The following CSF1R variants were observed in gnomAD, a reference collection of about 807,000 sequenced individuals.
The protein encoded by CSF1R is colony stimulating factor 1 receptor.
CSF1R carries 40 observed loss-of-function variants against 110.0 expected under a neutral mutation model. That is an observed-to-expected ratio of 0.36 (90% confidence interval 0.28 to 0.47). The LOEUF (loss-of-function observed/expected upper bound fraction) is 0.47. CSF1R is among the 20% of genes least tolerant of loss of function. The pLI, the probability that CSF1R is intolerant of heterozygous loss-of-function variation, is 0.99. For synonymous variants in CSF1R, 523 were observed against 503.4 expected (o/e 1.04, Z -0.52); for missense variants, 1,052 against 1,253.0 (o/e 0.84, Z 2.42).
intron 1 of CSF1R, among the ~76,000 whole-genome samples, chr5:150,108,299 G>A (rs1220567820): frequency 6.6e-6 from 1 of 152,170 alleles, no homozygotes; most frequent in African/African-American, 2.4e-5. Context: ...GCTTGAGCAA[G>A]ACTTTGACCT....
At chr5:150,082,091 T>C (rs911167008) in intron 1 of CSF1R, among the ~76,000 whole-genome samples, 1 of 152,100 alleles carries the variant, frequency 6.6e-6, no homozygotes, top group African/African-American at 2.4e-5. Flanking sequence ...TCCTAGCCAC[T>C]CTCCTCTCTC....
Position 150,080,862 on chromosome 5 carries a change from G to C in CSF1R, c.212C>G (p.Thr71Ser), listed in dbSNP as rs1259778590. 1 of 1,614,182 alleles carries C rather than the reference G, an allele frequency of 6.2e-7. No homozygotes were observed. The highest frequency in any genetic ancestry group is 8.5e-7 in the Non-Finnish European group (1 of 1,180,028). Residue 71 changes from threonine (T) to serine (S), a missense_variant, in exon 2 of 21, where the codon ACC (threonine) becomes AGC (serine). By Grantham distance (58) the Thr-to-Ser change is moderately conservative. Coordinates refer to ENST00000675795, the MANE Select transcript of CSF1R (RefSeq NM_001288705.3). ...YSDGSSSILS[T>S]NNATFQNTGT... ...CGTGTTTTGGAAGGTAGCGTTGTTG[G>C]TGCTGAGGATGCTGCTGGAGCCATC... is the stretch of plus-strand genomic sequence containing the variant.
chr5:150,094,086 T>C (rs1298863835), intron 1 of CSF1R, among the ~76,000 whole-genome samples: 1 of 149,916 alleles, frequency 6.7e-6, no homozygotes, highest in Admixed American at 6.6e-5. Flanking sequence ...AAAAGTACAA[T>C]TATTATGTGT....
chr5:150,056,210 AG>A lies in CSF1R; in HGVS notation c.2442+8del. ...TCCCCAGCCTGGCCCAAGCCCTCCC[AG>A]CACTTACATTGCCCTTGACAATGTA... On this transcript the variant is annotated splice_region_variant and intron_variant, in intron 17 of 20. Transcript: ENST00000675795. 1 of 1,614,162 alleles carries A rather than the reference AG, an allele frequency of 6.2e-7. No individual in the cohort carries two copies. Among genetic ancestry groups the A allele is most frequent in the Non-Finnish European group, 8.5e-7 (1 of 1,179,998 alleles).
Position 150,060,943 on chromosome 5 carries a change from G to A in CSF1R, c.1888C>T (p.Leu630Phe). 1 of 1,608,078 alleles carries A rather than the reference G, an allele frequency of 6.2e-7. No homozygotes were observed. Reference protein sequence around the residue: ...STAHADEKEALMSELKIMSHL... With the variant: ...STAHADEKEAFMSELKIMSHL... ...CTCATGATCTTCAGCTCGGACATGAGGGCCTCCTTCTCATCAGCATGGGCC... is the reference window on the plus strand; with the variant it reads ...CTCATGATCTTCAGCTCGGACATGAAGGCCTCCTTCTCATCAGCATGGGCC... Residue 630 changes from leucine (L) to phenylalanine (F), a missense_variant, in exon 13 of 21, where the codon CTC becomes TTC. Coordinates refer to ENST00000675795, the MANE Select transcript of CSF1R (RefSeq NM_001288705.3).
intron 14 of CSF1R, 142 bp downstream of exon 14, chr5:150,059,558 G>A (rs1757406265): frequency 6.5e-6 from 6 of 921,030 alleles, no homozygotes; most frequent in Non-Finnish European, 6.7e-6. Flanking sequence ...ACCTGTGGTG[G>A]CTACTTCCCA....
At chr5:150,103,503 C>T (rs1476949207) in intron 1 of CSF1R, among the ~76,000 whole-genome samples, 2 of 152,210 alleles carry the variant, frequency 1.3e-5, no homozygotes. Context: ...ATCTGGCCTC[C>T]CTTACTCTCA....
At chr5:150,080,657 G>T (rs1052572734) in intron 2 of CSF1R, 110 bp downstream of exon 2, 1 of 1,379,946 alleles carries the variant, frequency 7.2e-7, no homozygotes, top group Non-Finnish European at 9.9e-7. Context: ...CTTGCTCATA[G>T]CCAGCACTCA....
chr5:150,057,437 C>T (rs1757274877), intron 15 of CSF1R, 53 bp from the exon 16 acceptor site: 1 of 1,611,220 alleles, frequency 6.2e-7, no homozygotes, highest in African/African-American at 1.3e-5. Flanking sequence ...CACCCCTCAC[C>T]CCAGCAGCCC....
chr5:150,076,675 C>T (rs982332063), intron 5 of CSF1R, among the ~76,000 whole-genome samples: 2 of 152,234 alleles, frequency 1.3e-5, no homozygotes. Context: ...GGCCACTCCT[C>T]ACACCACTCC....
In CSF1R at chr5:150,070,511, G is replaced by A. The variant is rs183264626; in HGVS notation, c.1143C>T (p.Phe381=). The A allele has an allele frequency of 6.4e-7, 1 of 1,555,902 alleles. No individual in the cohort carries two copies. The highest frequency in any genetic ancestry group is 1.7e-4 in the Middle Eastern group (1 of 5,980). Residue 381 remains phenylalanine, a synonymous_variant, in exon 7 of 21, where the codon TTC becomes TTT. Transcript: ENST00000675795. ...TCCAGCCTCCTGGGTTTCTGGCCAG[G>A]AAGGAGTAGCGGCCAGCCTCAGAGG... ...LKPSEAGRYS[F]LARNPGGWRA...
At chr5:150,092,372 C>T (rs970901150) in intron 1 of CSF1R, among the ~76,000 whole-genome samples, 1 of 152,220 alleles carries the variant, frequency 6.6e-6, no homozygotes, top group African/African-American at 2.4e-5. Flanking sequence ...ACAGGGGATA[C>T]ATTCCAGTAA....
At chr5:150,101,598 C>T (rs1419068752) in intron 1 of CSF1R, among the ~76,000 whole-genome samples, 1 of 151,766 alleles carries the variant, frequency 6.6e-6, no homozygotes, top group East Asian at 1.9e-4. Flanking sequence ...CGTCACGGGA[C>T]CCAGGCAGAG....
At chr5:150,101,599 C>T (rs548028931) in intron 1 of CSF1R, among the ~76,000 whole-genome samples, 1 of 152,000 alleles carries the variant, frequency 6.6e-6, no homozygotes, top group South Asian at 2.1e-4. Flanking sequence ...GTCACGGGAC[C>T]CAGGCAGAGA....
intron 1 of CSF1R, among the ~76,000 whole-genome samples, chr5:150,092,431 C>T (rs1286653301): frequency 1.4e-5 from 2 of 146,212 alleles, no homozygotes; most frequent in Non-Finnish European, 1.5e-5. Flanking sequence ...CTGTATATGC[C>T]ATGTTTTTTT....
upstream of CSF1R, among the ~76,000 whole-genome samples, chr5:150,087,278 T>C (rs572163262): frequency 6.6e-6 from 1 of 152,364 alleles, no homozygotes; most frequent in African/African-American, 2.4e-5. Flanking sequence ...GAGTTTGTTT[T>C]CTTCCTGTAT....
At chr5:150,071,021 G>A (rs1437948723) in intron 6 of CSF1R, among the ~76,000 whole-genome samples, 1 of 152,186 alleles carries the variant, frequency 6.6e-6, no homozygotes, top group Non-Finnish European at 1.5e-5. Context: ...TTCAAGTCCT[G>A]GTGCTGCTGT....
chr5:150,112,783 C>T (rs1271777277), intron 1 of CSF1R, among the ~76,000 whole-genome samples: 1 of 152,174 alleles, frequency 6.6e-6, no homozygotes, highest in East Asian at 1.9e-4. Flanking sequence ...GCGGCTGGGC[C>T]TGTGAGTCAG....
intron 1 of CSF1R, among the ~76,000 whole-genome samples, chr5:150,101,048 T>A (rs188968313): frequency 6.6e-6 from 1 of 151,806 alleles, no homozygotes; most frequent in African/African-American, 2.4e-5. Context: ...CTCTTTGCCA[T>A]GTGACTTAGC....
Sources: allele counts gnomAD v4.1 joint callset (sites outside exome capture counted in the v4.1 genomes callset), GRCh38; gene constraint gnomAD v4.1.1; transcripts MANE v1.5; gene names NCBI Gene and HGNC (gene_info 2026-07-23, HGNC 2026-07-21).